Variants in FAM13B observed in about 807,000 individuals in gnomAD.
The protein encoded by FAM13B is family with sequence similarity 13 member B, also known as protein FAM13B.
In FAM13B, 60 loss-of-function variants were observed where a neutral mutation model predicts 117.3. The observed-to-expected ratio is 0.51, with a 90% CI of 0.42 to 0.63. The LOEUF is 0.63. FAM13B is among the 30% of genes least tolerant of loss of function. The pLI, the probability that FAM13B is intolerant of heterozygous loss-of-function variation, is 0.00. For synonymous variants in FAM13B, 332 were observed against 356.1 expected, an observed-to-expected ratio of 0.93 and a Z score of 0.76; for missense variants, 972 against 1,091.9, an observed-to-expected ratio of 0.89 and a Z score of 1.55.
intron 1 of FAM13B, among the ~76,000 whole-genome samples, chr5:138,028,934 G>A (rs991932091): frequency 3.9e-5 from 6 of 152,212 alleles, no homozygotes; most frequent in African/African-American, 9.6e-5. Flanking sequence ...CAGGAGAATC[G>A]CTCGAAGCCA....
intron 6 of FAM13B, among the ~76,000 whole-genome samples, chr5:138,009,778 T>C (rs7730080): frequency 0.98 from 136,170 of 138,896 alleles, 66,817 homozygotes; most frequent in Middle Eastern, 1. Context: ...GCACTCCAGC[T>C]TGGGCGACAG....
intron 1 of FAM13B, among the ~76,000 whole-genome samples, chr5:138,044,361 G>C (rs959083470): frequency 1.4e-4 from 22 of 152,124 alleles, no homozygotes; most frequent in Admixed American, 7.9e-4. Flanking sequence ...AGACCAGCCT[G>C]ACCAATGTGG....
In FAM13B at chr5:137,974,515, C is replaced by T. The variant is rs897663384; in HGVS notation, c.1179+10742G>A. On this transcript the variant is annotated intron_variant, in intron 10 of 23. Coordinates refer to ENST00000689681, the MANE Select transcript of FAM13B (RefSeq NM_001385994.1). The stretch of plus-strand genomic sequence containing the variant: ...GGGAGATATACCTAATGCTAGATGA[C>T]GAGTTAGTGGGTGCAGCGCACCAGC... 1.2e-3 allele frequency among the ~76,000 whole-genome samples: 167 copies of T among 145,160 alleles called. 1 individual carries two copies. Among genetic ancestry groups the T allele is most frequent in the Non-Finnish European group, 1.2e-3 (78 of 66,268 alleles).
At position 137,940,109 on chromosome 5, in the gene FAM13B, A is replaced by G; in HGVS notation, c.*116T>C. ...GTTTAGTGGCACCACAACCAAGTAC[A>G]AAATGAGATTCTCTGAGTGCCTGAC... On this transcript the variant is annotated 3_prime_UTR_variant, in exon 24 of 24. Transcript: ENST00000689681. The G allele has an allele frequency of 6.2e-7, 1 of 1,614,196 alleles. No homozygotes were observed. Among genetic ancestry groups the G allele is most frequent in the Admixed American group, 1.7e-5 (1 of 60,028 alleles).
intron 7 of FAM13B, among the ~76,000 whole-genome samples, chr5:137,996,481 T>C (rs1022926033): frequency 2.4e-4 from 36 of 152,018 alleles, no homozygotes; most frequent in African/African-American, 8.2e-4. Context: ...TCTTCCTAAA[T>C]CACTTACACC....
intron 20 of FAM13B, 105 bp from the exon 21 acceptor site, chr5:137,943,321 C>G: frequency 1.1e-6 from 1 of 875,258 alleles, no homozygotes; most frequent in Non-Finnish European, 1.7e-6. Context: ...TTTTCAAAAT[C>G]TTAAACATTT....
chr5:137,990,877 T>C (rs1325564140), intron 7 of FAM13B, among the ~76,000 whole-genome samples: 1 of 152,184 alleles, frequency 6.6e-6, no homozygotes, highest in African/African-American at 2.4e-5. Flanking sequence ...GCTATGAAAC[T>C]GGCATGCATG....
intron 20 of FAM13B, among the ~76,000 whole-genome samples, chr5:137,945,255 T>C (rs1049260116): frequency 1.3e-5 from 2 of 152,206 alleles, no homozygotes; most frequent in African/African-American, 2.4e-5. Context: ...ATGGGCTACA[T>C]GCTGTTTTCT....
intron 10 of FAM13B, among the ~76,000 whole-genome samples, chr5:137,984,829 C>T (rs529689040): frequency 1.8e-4 from 28 of 151,546 alleles, no homozygotes; most frequent in Middle Eastern, 3.4e-3. Context: ...AGTGCAATGG[C>T]GCAATCTTGG....
chr5:137,943,144 C>CA lies in FAM13B; in HGVS notation c.2412dup (p.Glu805Ter), dbSNP rs1203077575. The stretch of plus-strand genomic sequence containing the variant: ...CTTTAAAGGATTACCTTGATTTCTT[C>CA]AAAAAAATGTGCAGTTTCTCCTTCT... On this transcript the variant is annotated frameshift_variant, in exon 21 of 24. Coordinates refer to ENST00000689681, the MANE Select transcript of FAM13B (RefSeq NM_001385994.1). LOFTEE classifies it high-confidence loss of function. The CA allele has an allele frequency of 2.5e-6, 4 of 1,613,794 alleles. No individual in the cohort carries two copies. Among genetic ancestry groups the CA allele is most frequent in the Admixed American group, 1.7e-5 (1 of 59,960 alleles).
At chr5:138,018,616 G>T in intron 3 of FAM13B, 102 bp from the exon 4 acceptor site, 1 of 1,051,762 alleles carries the variant, frequency 9.5e-7, no homozygotes, top group South Asian at 1.5e-5. Flanking sequence ...CTTTTGGAAA[G>T]CCTTTCTTGG....
chr5:138,018,910 G>A (rs1405934483), intron 3 of FAM13B, 45 bp downstream of exon 3: 1 of 1,490,462 alleles, frequency 6.7e-7, no homozygotes, highest in South Asian at 1.3e-5. Context: ...TGTAAGTTGT[G>A]TTTATTAAAA....
chr5:137,955,835 T>G (rs897617333), intron 14 of FAM13B, among the ~76,000 whole-genome samples: 2 of 152,174 alleles, frequency 1.3e-5, no homozygotes, highest in African/African-American at 4.8e-5. Context: ...TTTCACCATG[T>G]TGGCCAGGCT....
chr5:137,987,708 C>T, intron 8 of FAM13B, 92 bp from the exon 9 acceptor site: 1 of 1,204,506 alleles, frequency 8.3e-7, no homozygotes, highest in Non-Finnish European at 1.1e-6. Flanking sequence ...ACCAGTAAAA[C>T]TATTATGGTA....
chr5:138,026,857 T>C (rs1788546178), intron 1 of FAM13B, among the ~76,000 whole-genome samples: 1 of 150,770 alleles, frequency 6.6e-6, no homozygotes, highest in Non-Finnish European at 1.5e-5. Context: ...GAGAATCGCT[T>C]GAACCCGGGA....
At chr5:138,005,020 T>C (rs139549068) in intron 7 of FAM13B, among the ~76,000 whole-genome samples, 1,730 of 152,214 alleles carry the variant, frequency 0.011, 27 homozygotes, top group African/African-American at 0.04. Flanking sequence ...AGCGGATCAC[T>C]TGAGGCCAGG....
chr5:138,049,087 G>A (rs1260552789), intron 1 of FAM13B, among the ~76,000 whole-genome samples: 3 of 151,946 alleles, frequency 2.0e-5, no homozygotes, highest in Non-Finnish European at 4.4e-5. Flanking sequence ...AGTTACAGGC[G>A]TGCGCCACCG....
chr5:137,942,633 G>C (rs1423486523), intron 22 of FAM13B: 3 of 437,874 alleles, frequency 6.9e-6, no homozygotes, highest in Non-Finnish European at 1.2e-5. Context: ...AAACTGCTGG[G>C]ATTATAGGCA....
intron 1 of FAM13B, chr5:138,039,410 C>T (rs1179862118): frequency 6.6e-6 from 1 of 152,086 alleles, no homozygotes; most frequent in Admixed American, 6.6e-5. Flanking sequence ...AGGCTCTAGG[C>T]TTTTGAGCCT....
Sources: gnomAD v4.1 joint callset for allele counts (sites outside exome capture counted in the v4.1 genomes callset) on GRCh38, gnomAD v4.1.1 for gene constraint, MANE v1.5 for transcripts, NCBI Gene and HGNC (gene_info 2026-07-23, HGNC 2026-07-21) for gene names.